LARGE2: variants seen among roughly 807,000 people sequenced by gnomAD.
LARGE2 encodes the protein xylosyl- and glucuronyltransferase LARGE2.
Under a neutral mutation model 75.3 loss-of-function variants are expected in LARGE2, and 63 were observed. That is an observed-to-expected ratio of 0.84 (90% CI 0.68 to 1.03). The LOEUF (loss-of-function observed/expected upper bound fraction) is 1.03, where lower values mean the gene tolerates loss of function less well. LARGE2 is among the 50% of genes least tolerant of loss of function. LARGE2 has a pLI of 0.00. For synonymous variants in LARGE2, 428 were observed against 420.1 expected (o/e 1.02, Z -0.23); for missense variants, 925 against 980.6 (o/e 0.94, Z 0.76).
rs758690703 is a variant in LARGE2, at chr11:45,927,588, C to A, written c.1599C>A (p.Tyr533Ter). ...DFLPAYSLYD[Y>*]LRASIEQLGL... ...TGCCTGCCTATTCTCTCTACGACTA[C>A]CTCAGGTGGGCCTGCAGGCAGAGAG... is the stretch of plus-strand genomic sequence containing the variant. The change falls in exon 11 of 14, where the codon TAC becomes TAA. Residue 533 changes from tyrosine to a stop codon, truncating the protein, a stop_gained. Transcript: ENST00000401752. LOFTEE classifies it high-confidence loss of function. The A allele has an allele frequency of 6.8e-6, 11 of 1,612,990 alleles. 2 individuals are homozygous for A. The Middle Eastern group carries it at 8.2e-4, about 121-fold the overall frequency.
Position 45,927,595 on chromosome 11 carries a change from T to C in LARGE2, c.1604+2T>C. 6.2e-7 allele frequency: 1 copy of C among 1,612,470 alleles called. No individual in the cohort carries two copies. Among genetic ancestry groups the C allele is most frequent in the Non-Finnish European group, 8.5e-7 (1 of 1,179,596 alleles). On this transcript the variant is annotated splice_donor_variant, in intron 11 of 13. Coordinates refer to ENST00000401752, the MANE Select transcript of LARGE2 (RefSeq NM_001300721.2). LOFTEE classifies it high-confidence loss of function. ...CTATTCTCTCTACGACTACCTCAGG[T>C]GGGCCTGCAGGCAGAGAGGGGAACA...
intron 3 of LARGE2, 45 bp downstream of exon 3, chr11:45,923,600 A>T: frequency 6.4e-7 from 1 of 1,554,442 alleles, no homozygotes; most frequent in Non-Finnish European, 8.9e-7. Flanking sequence ...TGGGGAAGGG[A>T]CAAAGCCCGG....
In LARGE2 at chr11:45,927,622, T is replaced by C. The variant is rs1357529829; in HGVS notation, c.1604+29T>C. On this transcript the variant is annotated intron_variant, in intron 11 of 13. Coordinates refer to ENST00000401752, the MANE Select transcript of LARGE2 (RefSeq NM_001300721.2). ...GGCCTGCAGGCAGAGAGGGGAACAA[T>C]ATATGGGGTGGACGTGGACGGGGCA... 2.5e-6 allele frequency: 4 copies of C among 1,606,802 alleles called. No individual in the cohort carries two copies. The African/African-American group carries it at 4.0e-5, about 16-fold the overall frequency.
At chr11:45,923,395 G>T (rs2087000668) in intron 2 of LARGE2, 78 bp from the exon 3 acceptor site, 1 of 1,412,646 alleles carries the variant, frequency 7.1e-7, no homozygotes, top group African/African-American at 1.4e-5. Context: ...CTCTGCTGCG[G>T]GGTGGGGCAG....
chr11:45,926,267 CGTCTGCCTT>C lies in LARGE2; in HGVS notation c.931_939del (p.Leu311_Cys313del). 1 of 1,614,194 alleles carries C rather than the reference CGTCTGCCTT, an allele frequency of 6.2e-7. No individual in the cohort carries two copies. The stretch of plus-strand genomic sequence containing the variant: ...CAAGGAGCACCCGGGGCTAGTGCAG[CGTCTGCCTT>C]GTGTCTGGAATGTGCAGCTGTCAGA... On this transcript the variant is annotated inframe_deletion, in exon 8 of 14. Coordinates refer to ENST00000401752, the MANE Select transcript of LARGE2 (RefSeq NM_001300721.2).
Position 45,927,447 on chromosome 11 carries a change from C to T in LARGE2, c.1458C>T (p.Asp486=), listed in dbSNP as rs367677801. 1.1e-5 allele frequency: 17 copies of T among 1,614,108 alleles called. No homozygotes were observed. Among genetic ancestry groups the T allele is most frequent in the African/African-American group, 4.0e-5 (3 of 74,948 alleles). ...CACCAGTGCTTGCTGCCCGGCAGGA[C>T]GTGGCCTACCATGTGGTGTACCGTG... The part of the protein sequence containing the change: ...EASPVLAARQ[D]VAYHVVYREG... The change falls in exon 11 of 14, where the codon GAC becomes GAT. Residue 486 remains aspartate (D), a synonymous_variant. Coordinates refer to ENST00000401752, the MANE Select transcript of LARGE2 (RefSeq NM_001300721.2).
chr11:45,922,638 G>T, upstream of LARGE2: 1 of 325,426 alleles, frequency 3.1e-6, no homozygotes, highest in African/African-American at 2.2e-5. Flanking sequence ...GCCCAGGTCG[G>T]GGGCGGGACC....
At chr11:45,923,963 G>C in intron 3 of LARGE2, among the ~76,000 whole-genome samples, 191 bp from the exon 4 acceptor site, 1 of 129,052 alleles carries the variant, frequency 7.7e-6, no homozygotes, top group Non-Finnish European at 1.5e-5. Context: ...TCCAGCCTGG[G>C]CGACAGAGCG....
Position 45,928,952 on chromosome 11 carries a change from G to A in LARGE2, c.*107G>A, listed in dbSNP as rs1289848487. On this transcript the variant is annotated 3_prime_UTR_variant, in exon 14 of 14. Coordinates refer to ENST00000401752, the MANE Select transcript of LARGE2 (RefSeq NM_001300721.2). ...TATTTAAGGTCTCTGGGAAGGGCTG[G>A]GGCAGAGCATCTGTGGGGTGGGGTC... The A allele has an allele frequency of 1.2e-5, 17 of 1,442,754 alleles. No homozygotes were observed. The highest frequency in any genetic ancestry group is 1.5e-5 in the Non-Finnish European group (16 of 1,065,498). The allele number at this position is 1,442,754 out of a possible 1,614,324, so 89.4% of individuals were successfully genotyped here. A position where few individuals can be genotyped will look rare whatever the true frequency, so the allele number is the denominator to read the frequency against.
At position 45,922,948 on chromosome 11, in the gene LARGE2, C is replaced by T. The variant is rs748300708; in HGVS notation, c.66C>T (p.Leu22=). 3.4e-5 allele frequency: 44 copies of T among 1,287,040 alleles called. No individual in the cohort carries two copies. The African/African-American group carries it at 4.5e-4, about 13-fold the overall frequency. The allele number at this position is 1,287,040 out of a possible 1,614,324, so 79.7% of individuals were successfully genotyped here. A position where few individuals can be genotyped will look rare whatever the true frequency, so the allele number is the denominator to read the frequency against. ...AAALLLLLLL[L]GFLLFGGDLG... ...CGCTGTTGCTGCTGCTGCTGCTGCT[C>T]GGATTCCTCCTGTTCGGTGGGGACC... The change falls in exon 2 of 14, where the codon CTC becomes CTT. Residue 22 remains leucine (L), a synonymous_variant. Coordinates refer to ENST00000401752, the MANE Select transcript of LARGE2 (RefSeq NM_001300721.2).
At chr11:45,927,821 C>T in intron 11 of LARGE2, 99 bp from the exon 12 acceptor site, 1 of 1,566,980 alleles carries the variant, frequency 6.4e-7, no homozygotes, top group Non-Finnish European at 8.7e-7. Context: ...CAAGATGGCC[C>T]ATGGTGGTCT....
Position 45,926,100 on chromosome 11 carries a change from G to A in LARGE2, c.831G>A (p.Leu277=). The A allele has an allele frequency of 6.4e-7, 1 of 1,566,788 alleles. No homozygotes were observed. The highest frequency in any genetic ancestry group is 8.6e-7 in the Non-Finnish European group (1 of 1,156,188). ...RQAGWEQMWR[L]TARRELLSLP... Reference sequence around the variant, plus strand: ...CTGGCTGGGAGCAGATGTGGAGGCTGACAGCCAGGCGGGAGCTCCTTAGCC... The same window carrying A: ...CTGGCTGGGAGCAGATGTGGAGGCTAACAGCCAGGCGGGAGCTCCTTAGCC... The change falls in exon 7 of 14, where the codon CTG becomes CTA. Residue 277 remains leucine, a synonymous_variant. Transcript: ENST00000401752.
chr11:45,925,257 A>C (rs985991876), intron 6 of LARGE2, among the ~76,000 whole-genome samples: 4 of 152,198 alleles, frequency 2.6e-5, no homozygotes, highest in Non-Finnish European at 5.9e-5. Flanking sequence ...GCAATGGCTC[A>C]GGCTTGTAAT....
Position 45,928,685 on chromosome 11 carries a change from C to G in LARGE2, c.2006C>G (p.Pro669Arg). ...TTCACCATCCATCTGCCCCACGCTC[C>G]AAGCCTGGACATCTCCCGCTTCCGC... Reference protein sequence around the residue: ...EAFTIHLPHAPSLDISRFRSS... With the variant: ...EAFTIHLPHARSLDISRFRSS... The change falls in exon 14 of 14, where the codon CCA (proline) becomes CGA (arginine). Residue 669 changes from proline to arginine, a missense_variant. Physicochemically the swap from Pro to Arg is moderately radical, Grantham distance 103. Around this residue, in one of 3 missense-constraint regions of LARGE2, gnomAD observed 469 missense variants for 503.8 expected, o/e 0.93. Coordinates refer to ENST00000401752, the MANE Select transcript of LARGE2 (RefSeq NM_001300721.2). 1 of 1,614,158 alleles carries G rather than the reference C, an allele frequency of 6.2e-7. No individual in the cohort carries two copies. The highest frequency in any genetic ancestry group is 8.5e-7 in the Non-Finnish European group (1 of 1,180,026).
intron 6 of LARGE2, among the ~76,000 whole-genome samples, chr11:45,925,795 G>A (rs767026003): frequency 4.1e-4 from 62 of 152,132 alleles, no homozygotes; most frequent in African/African-American, 1.1e-3. Flanking sequence ...CTGGGAAGTC[G>A]AGGCTGCAGT....
At chr11:45,923,618 T>G in intron 3 of LARGE2, 63 bp downstream of exon 3, 1 of 1,436,694 alleles carries the variant, frequency 7.0e-7, no homozygotes, top group East Asian at 2.3e-5. Flanking sequence ...CGGGACAGGC[T>G]GCTGGTCTCA....
rs1333193938 is a variant in LARGE2 at position 45,928,162 on chromosome 11, G to A, written c.1755-15G>A. ...CCTAGCCTCAGCCTGGCTCCCACCC[G>A]ACCCTGCTGCACAGGTACCACGAGT... On this transcript the variant is annotated splice_polypyrimidine_tract_variant and intron_variant, in intron 12 of 13. Coordinates refer to ENST00000401752, the MANE Select transcript of LARGE2 (RefSeq NM_001300721.2). The A allele has an allele frequency of 9.3e-6, 15 of 1,612,978 alleles. No individual in the cohort carries two copies. The highest frequency in any genetic ancestry group is 3.3e-4 in the Middle Eastern group (2 of 6,080).
intron 4 of LARGE2, 76 bp downstream of exon 4, chr11:45,924,353 A>C: frequency 6.3e-7 from 1 of 1,581,880 alleles, no homozygotes; most frequent in Non-Finnish European, 8.6e-7. Context: ...GTGGGGTTGG[A>C]GAAGAGAATC....
At chr11:45,927,682 T>G (rs887202192) in intron 11 of LARGE2, 89 bp downstream of exon 11, 21 of 1,552,366 alleles carry the variant, frequency 1.4e-5, no homozygotes, top group Non-Finnish European at 1.8e-5. Context: ...TCCCTGCTCC[T>G]TTCTGGGCCT....
Sources: gnomAD v4.1 joint callset for allele counts (sites outside exome capture counted in the v4.1 genomes callset) on GRCh38, gnomAD v4.1.1 for gene constraint, gnomAD v4.1.1 regional missense constraint, MANE v1.5 for transcripts, NCBI Gene and HGNC (gene_info 2026-07-23, HGNC 2026-07-21) for gene names.